Variants in VAT1L observed in about 807,000 individuals in gnomAD.
VAT1L encodes putative NADPH-dependent quinone oxidoreductase VAT1L.
In VAT1L, 34 loss-of-function variants were observed where a neutral mutation model predicts 44.1. That is an observed-to-expected ratio of 0.77 (90% CI 0.59 to 1.03). The LOEUF is 1.03. Among genes scored for constraint, VAT1L ranks in the 50% least tolerant of loss-of-function variants. The pLI is 0.00. For synonymous variants in VAT1L, 253 were observed against 202.2 expected (o/e 1.25, Z -2.13); for missense variants, 615 against 538.8 (o/e 1.14, Z -1.40).
intron 7 of VAT1L, among the ~76,000 whole-genome samples, chr16:77,914,180 G>C (rs1204722655): frequency 6.6e-6 from 1 of 152,132 alleles, no homozygotes; most frequent in Non-Finnish European, 1.5e-5. Context: ...TTGTGAGCCA[G>C]TCATTCAACA....
intron 3 of VAT1L, among the ~76,000 whole-genome samples, chr16:77,841,537 C>T (rs1403724880): frequency 1.3e-5 from 2 of 152,198 alleles, no homozygotes; most frequent in East Asian, 1.9e-4. Context: ...GCGTAAATTA[C>T]TACCACCTCT....
intron 3 of VAT1L, among the ~76,000 whole-genome samples, chr16:77,827,780 T>C (rs1295324377): frequency 6.6e-6 from 1 of 152,122 alleles, no homozygotes; most frequent in East Asian, 1.9e-4. Context: ...GACTCTTTCT[T>C]TCTCTGTGGT....
intron 3 of VAT1L, among the ~76,000 whole-genome samples, chr16:77,838,865 CTTTATT>C (rs2016669941): frequency 1.3e-5 from 2 of 151,242 alleles, no homozygotes; most frequent in African/African-American, 2.4e-5. Context: ...TCTTTCTCCC[CTTTATT>C]CTTTCTCTCC....
chr16:77,805,287 T>C (rs931651861), intron 1 of VAT1L, among the ~76,000 whole-genome samples: 17 of 152,294 alleles, frequency 1.1e-4, no homozygotes, highest in African/African-American at 3.9e-4. Flanking sequence ...GTTCCCACAG[T>C]CTTGAGATAA....
rs377678220 is a variant in VAT1L at position 77,959,057 on chromosome 16, G to C, written c.1078-12793G>C. ...AAATGTAAGGCAGCGCTCACTTTCA[G>C]GTGCTGATCCTGCACTTGTGTGACT... On this transcript the variant is annotated intron_variant, in intron 7 of 8. Transcript: ENST00000302536. 9.9e-5 allele frequency among the ~76,000 whole-genome samples: 15 copies of C among 152,278 alleles called. No individual in the cohort carries two copies. In the East Asian group the frequency reaches 1.9e-3, roughly 20 times the overall value.
At chr16:77,791,019 G>A (rs182333842) in intron 1 of VAT1L, among the ~76,000 whole-genome samples, 1 of 152,280 alleles carries the variant, frequency 6.6e-6, no homozygotes, top group Admixed American at 6.5e-5. Context: ...AGGTACATTT[G>A]GAATACAGTG....
chr16:77,929,229 CT>C (rs1274629826), intron 7 of VAT1L, among the ~76,000 whole-genome samples: 1 of 152,180 alleles, frequency 6.6e-6, no homozygotes, highest in East Asian at 1.9e-4. Flanking sequence ...GAAATTCCCC[CT>C]CTCCTTCAAT....
At chr16:77,920,545 A>AATGTATATAAT (rs2017600432) in intron 7 of VAT1L, among the ~76,000 whole-genome samples, 1 of 152,226 alleles carries the variant, frequency 6.6e-6, no homozygotes, top group African/African-American at 2.4e-5. Flanking sequence ...TTCATATGTC[A>AATGTATATAAT]ATATATGTAT....
intron 7 of VAT1L, among the ~76,000 whole-genome samples, chr16:77,923,360 G>A (rs975919144): frequency 6.6e-6 from 1 of 151,728 alleles, no homozygotes; most frequent in African/African-American, 2.4e-5. Context: ...TGAGGCAGGA[G>A]AATAGCTTGA....
intron 1 of VAT1L, among the ~76,000 whole-genome samples, chr16:77,807,054 C>A (rs1373706544): frequency 6.6e-6 from 1 of 152,188 alleles, no homozygotes; most frequent in Non-Finnish European, 1.5e-5. Flanking sequence ...CATTCTCTTT[C>A]CTGCCTTTGC....
At chr16:77,955,309 C>T (rs1335762685) in intron 7 of VAT1L, among the ~76,000 whole-genome samples, 1 of 152,220 alleles carries the variant, frequency 6.6e-6, no homozygotes, top group Non-Finnish European at 1.5e-5. Flanking sequence ...GGTAGCGCTA[C>T]TGACATCTAG....
At chr16:77,887,103 C>T (rs1000711195) in intron 7 of VAT1L, among the ~76,000 whole-genome samples, 2 of 152,086 alleles carry the variant, frequency 1.3e-5, no homozygotes, top group South Asian at 2.1e-4. Context: ...GGAGCTGGAA[C>T]ATGAAAGAGG....
chr16:77,908,803 A>G (rs1597093741), intron 7 of VAT1L, among the ~76,000 whole-genome samples: 1 of 152,218 alleles, frequency 6.6e-6, no homozygotes, highest in Middle Eastern at 3.4e-3. Flanking sequence ...AGTCCCAGCT[A>G]CTTGGGAGGC....
intron 7 of VAT1L, among the ~76,000 whole-genome samples, chr16:77,913,478 G>T (rs2017519807): frequency 6.6e-6 from 1 of 150,436 alleles, no homozygotes; most frequent in Admixed American, 6.6e-5. Context: ...GTTAAATCCA[G>T]TGATCAGCTC....
chr16:77,814,462 G>T (rs529076681), intron 1 of VAT1L, among the ~76,000 whole-genome samples: 1 of 152,294 alleles, frequency 6.6e-6, no homozygotes, highest in African/African-American at 2.4e-5. Context: ...TTAAGTAGCT[G>T]GCTCTCAGTT....
chr16:77,825,068 T>A (rs1007169992), intron 2 of VAT1L, among the ~76,000 whole-genome samples, 178 bp from the exon 3 acceptor site: 2 of 151,958 alleles, frequency 1.3e-5, no homozygotes, highest in Non-Finnish European at 2.9e-5. Flanking sequence ...GGTTTTACCA[T>A]GTCAGCCAGG....
intron 2 of VAT1L, among the ~76,000 whole-genome samples, chr16:77,822,691 T>C (rs536726650): frequency 6.6e-6 from 1 of 152,270 alleles, no homozygotes; most frequent in African/African-American, 2.4e-5. Context: ...GGAAAGGAGA[T>C]GCAAGGAGGC....
intron 6 of VAT1L, among the ~76,000 whole-genome samples, chr16:77,883,602 A>G (rs1027047766): frequency 2.0e-5 from 3 of 152,172 alleles, no homozygotes; most frequent in Non-Finnish European, 4.4e-5. Flanking sequence ...ACTAGACGCC[A>G]GTAGCACCAC....
chr16:77,960,663 C>T (rs2142534008), intron 7 of VAT1L, among the ~76,000 whole-genome samples: 2 of 152,192 alleles, frequency 1.3e-5, no homozygotes, highest in East Asian at 1.9e-4. Flanking sequence ...ACAAGGAGCC[C>T]AGTAGATATA....
Sources: allele counts gnomAD v4.1 joint callset (sites outside exome capture counted in the v4.1 genomes callset), GRCh38; gene constraint gnomAD v4.1.1; transcripts MANE v1.5; gene names NCBI Gene and HGNC (gene_info 2026-07-23, HGNC 2026-07-21).